The following EFHC2 variants were observed in gnomAD, a reference collection of about 807,000 sequenced individuals.
The protein encoded by EFHC2 is EF-hand domain containing 2.
A neutral mutation model predicts 52.7 loss-of-function variants in EFHC2; 18 were observed. The observed-to-expected ratio is 0.34, with a 90% CI of 0.24 to 0.51. EFHC2 has a LOEUF of 0.51. Ranked by LOEUF, EFHC2 falls within the 20% of genes least tolerant of loss-of-function variation. EFHC2 has a pLI of 0.97. For missense variants in EFHC2, 513 were observed against 562.5 expected, an observed-to-expected ratio of 0.91 and a Z score of 0.89; for synonymous variants, 203 against 204.1, an observed-to-expected ratio of 0.99 and a Z score of 0.04.
chrX:44,171,243 A>G (rs1288403994), intron 13 of EFHC2, among the ~76,000 whole-genome samples: 1 of 111,567 alleles, frequency 9.0e-6, no homozygotes, highest in African/African-American at 3.3e-5. Context: ...CCCCCTCCCC[A>G]AAATGATAAA....
chrX:44,277,615 T>C (rs2037669745), intron 2 of EFHC2, among the ~76,000 whole-genome samples: 2 of 111,891 alleles, frequency 1.8e-5, no homozygotes, highest in Non-Finnish European at 3.8e-5. Context: ...TAAACGATAA[T>C]ACATTTTGTG....
Position 44,312,572 on chromosome X carries a change from T to C in EFHC2, c.227A>G (p.Lys76Arg). Residue 76 changes from lysine to arginine, a missense_variant, in exon 2 of 15, where the codon AAA becomes AGA. Transcript: ENST00000420999. The part of the protein sequence containing the change: ...SDVPSWVAFD[K>R]QVLSFDAYLE... ...TCCCAGTGTCATGTGACTTACCTGT[T>C]TATCAAAGGCTACCCATGATGGTAC... The C allele has an allele frequency of 8.4e-7, 1 of 1,193,568 alleles. No homozygotes were observed. Among genetic ancestry groups the C allele is most frequent in the East Asian group, 3.0e-5 (1 of 32,921 alleles).
chrX:44,292,348 G>A (rs1323953652), intron 2 of EFHC2, among the ~76,000 whole-genome samples: 3 of 111,081 alleles, frequency 2.7e-5, no homozygotes. Flanking sequence ...ATATCCTGGG[G>A]ATGGGACACA....
At chrX:44,225,253 A>G (rs773650598) in intron 11 of EFHC2, among the ~76,000 whole-genome samples, 1 of 109,793 alleles carries the variant, frequency 9.1e-6, no homozygotes, top group Admixed American at 9.6e-5. Flanking sequence ...AAAAAATTAA[A>G]AAAAAAAAAA....
rs191871126 is a variant in EFHC2, at chrX:44,301,193, C to T, written c.231+11375G>A. Among the ~76,000 whole-genome samples the T allele has an allele frequency of 1.1e-3, 121 of 109,658 alleles. 1 individual carries two copies. Among genetic ancestry groups the T allele is most frequent in the Non-Finnish European group, 2.0e-3 (104 of 52,571 alleles). On this transcript the variant is annotated intron_variant, in intron 2 of 14. Transcript: ENST00000420999. Reference sequence around the variant, plus strand: ...CTGTACTCAATGGATCAGCTGGCACCACCCAGATTGACAAACTGGCTCATC... The same window carrying T: ...CTGTACTCAATGGATCAGCTGGCACTACCCAGATTGACAAACTGGCTCATC...
At chrX:44,167,638 G>A (rs1434750630) in intron 13 of EFHC2, among the ~76,000 whole-genome samples, 1 of 112,237 alleles carries the variant, frequency 8.9e-6, no homozygotes, top group East Asian at 2.8e-4. Context: ...ATGCTTGAAC[G>A]AGTTCATCTT....
At chrX:44,277,060 C>A (rs1382545944) in intron 2 of EFHC2, among the ~76,000 whole-genome samples, 1 of 110,275 alleles carries the variant, frequency 9.1e-6, no homozygotes, top group Non-Finnish European at 1.9e-5. Context: ...GAGATCGAGA[C>A]CATCCTGGCT....
intron 1 of EFHC2, among the ~76,000 whole-genome samples, chrX:44,340,531 T>A (rs766377683): frequency 1.8e-5 from 2 of 110,440 alleles, no homozygotes; most frequent in Non-Finnish European, 3.8e-5. Flanking sequence ...TGATGGCGCA[T>A]GCCTGTAATT....
chrX:44,295,759 G>C (rs1318056836), intron 2 of EFHC2, among the ~76,000 whole-genome samples: 1 of 110,826 alleles, frequency 9.0e-6, no homozygotes, highest in African/African-American at 3.3e-5. Flanking sequence ...AGAGGGGTGG[G>C]TAATGGCAGT....
chrX:44,322,884 G>A (rs919786209), intron 1 of EFHC2, among the ~76,000 whole-genome samples: 7 of 110,344 alleles, frequency 6.3e-5, no homozygotes, highest in African/African-American at 1.6e-4. Context: ...GTGGTGGCAC[G>A]TACCTGTAAT....
chrX:44,266,774 T>A (rs1444060029), intron 3 of EFHC2, among the ~76,000 whole-genome samples: 1 of 111,630 alleles, frequency 9.0e-6, no homozygotes, highest in African/African-American at 3.3e-5. Flanking sequence ...TCCACCACTT[T>A]ATGGGATATA....
At chrX:44,213,512 G>C (rs973847428) in intron 11 of EFHC2, among the ~76,000 whole-genome samples, 1 of 111,866 alleles carries the variant, frequency 8.9e-6, no homozygotes, top group Non-Finnish European at 1.9e-5. Flanking sequence ...TGTTTGGTCT[G>C]AAAAGGCAGG....
intron 2 of EFHC2, among the ~76,000 whole-genome samples, chrX:44,286,816 C>G (rs2037752473): frequency 9.4e-6 from 1 of 106,331 alleles, no homozygotes; most frequent in Non-Finnish European, 1.9e-5. Context: ...GAATTCAAGA[C>G]CAGCCTGGGC....
chrX:44,284,612 G>C (rs1351292269), intron 2 of EFHC2: 3 of 111,759 alleles, frequency 2.7e-5, no homozygotes, highest in African/African-American at 9.8e-5. Context: ...AAAAGAGAAA[G>C]AGTCAGCCCC....
chrX:44,207,678 C>T, intron 11 of EFHC2, among the ~76,000 whole-genome samples: 1 of 112,378 alleles, frequency 8.9e-6, no homozygotes, highest in Non-Finnish European at 1.9e-5. Flanking sequence ...TAAAGAGCTT[C>T]TGCACAGCAA....
intron 11 of EFHC2, among the ~76,000 whole-genome samples, chrX:44,183,764 G>A (rs1223141414): frequency 9.0e-6 from 1 of 111,730 alleles, no homozygotes; most frequent in African/African-American, 3.3e-5. Context: ...CAACATGGTG[G>A]CCTCACAAGA....
intron 11 of EFHC2, among the ~76,000 whole-genome samples, chrX:44,193,240 C>T (rs1468969828): frequency 2.7e-4 from 21 of 76,550 alleles, no homozygotes; most frequent in Admixed American, 4.9e-4. Flanking sequence ...CGAAAGCCTG[C>T]CCCACCCCCG....
intron 14 of EFHC2, among the ~76,000 whole-genome samples, chrX:44,154,672 C>A (rs933979859): frequency 1.8e-5 from 2 of 110,529 alleles, no homozygotes; most frequent in Non-Finnish European, 3.8e-5. Flanking sequence ...CCACTACACT[C>A]CACCCTGGGT....
chrX:44,235,939 C>T (rs2037316635), intron 8 of EFHC2, among the ~76,000 whole-genome samples: 1 of 111,631 alleles, frequency 9.0e-6, no homozygotes, highest in Middle Eastern at 4.7e-3. Flanking sequence ...TCCTCCAGCT[C>T]CCCAGCAACC....
Sources: allele counts gnomAD v4.1 joint callset (sites outside exome capture counted in the v4.1 genomes callset), GRCh38; gene constraint gnomAD v4.1.1; transcripts MANE v1.5; gene names NCBI Gene and HGNC (gene_info 2026-07-23, HGNC 2026-07-21).